ZBTB20: variants seen among roughly 807,000 people sequenced by gnomAD.
The protein encoded by ZBTB20 is zinc finger and BTB domain containing 20.
A neutral mutation model predicts 56.9 loss-of-function variants in ZBTB20; 9 were observed. The ratio of observed to expected loss-of-function variants is 0.16; its 90% CI spans 0.10 to 0.28. The LOEUF is 0.28. Ranked by LOEUF, ZBTB20 falls within the 10% of genes least tolerant of loss-of-function variation. The pLI, the probability that ZBTB20 is intolerant of heterozygous loss-of-function variation, is 1.00. For missense variants in ZBTB20, 655 were observed against 1,003.0 expected (o/e 0.65, Z 4.69); for synonymous variants, 417 against 420.7 (o/e 0.99, Z 0.11).
chr3:114,836,748 A>G (rs941197502), intron 4 of ZBTB20, among the ~76,000 whole-genome samples: 7 of 152,210 alleles, frequency 4.6e-5, no homozygotes, highest in Non-Finnish European at 7.3e-5. Context: ...AATCACAATT[A>G]TCTCTTATCT....
In ZBTB20 at chr3:114,590,949, AT is replaced by A. The variant is rs2055699802; in HGVS notation, c.-294-90559del. ...CTCACTATTAATAACCTATCTCATT[AT>A]CAAACCTTAAGATTTTCTGTTGCAG... On this transcript the variant is annotated intron_variant, in intron 6 of 11. Transcript: ENST00000675478. 1.3e-5 allele frequency among the ~76,000 whole-genome samples: 2 copies of A among 152,334 alleles called. 1 individual carries two copies. Among genetic ancestry groups the A allele is most frequent in the South Asian group, 4.1e-4 (2 of 4,830 alleles).
chr3:114,326,801 C>A lies in ZBTB20; in HGVS notation c.*12204G>T, dbSNP rs2079079267. ...TGTTTCACTTTCTTTGAAGGAATTGCATCTATGCACACTTATCCTGAAGTC... is the reference window on the plus strand; with the variant it reads ...TGTTTCACTTTCTTTGAAGGAATTGAATCTATGCACACTTATCCTGAAGTC... On this transcript the variant is annotated 3_prime_UTR_variant, in exon 12 of 12. Transcript: ENST00000675478. 6.6e-6 allele frequency: 1 copy of A among 152,164 alleles called. No individual in the cohort carries two copies. Among genetic ancestry groups the A allele is most frequent in the African/African-American group, 2.4e-5 (1 of 41,440 alleles). The allele number at this position is 152,164 out of a possible 1,614,324, so 9.4% of individuals were successfully genotyped here.
chr3:115,031,225 A>G (rs1217572761), intron 2 of ZBTB20, among the ~76,000 whole-genome samples: 1 of 151,202 alleles, frequency 6.6e-6, no homozygotes. Flanking sequence ...AGTTTTCATG[A>G]ATTAGTGGAG....
intron 6 of ZBTB20, among the ~76,000 whole-genome samples, chr3:114,587,652 C>A (rs569208007): frequency 1.6e-4 from 25 of 152,254 alleles, no homozygotes; most frequent in Admixed American, 3.3e-4. Context: ...TACTTCACAC[C>A]ATAAATATGT....
chr3:114,733,060 T>C (rs1005788588), intron 5 of ZBTB20, among the ~76,000 whole-genome samples: 16 of 152,176 alleles, frequency 1.1e-4, no homozygotes, highest in Admixed American at 2.6e-4. Flanking sequence ...GTAAATGGTC[T>C]ACCAGACATA....
chr3:114,850,590 T>C (rs1458744721), intron 4 of ZBTB20, among the ~76,000 whole-genome samples: 2 of 152,204 alleles, frequency 1.3e-5, no homozygotes, highest in Non-Finnish European at 2.9e-5. Context: ...CACAGAGTGG[T>C]TAAGTAACTT....
Position 114,920,726 on chromosome 3 carries a change from G to A in ZBTB20, c.-455-20384C>T. 1.3e-5 allele frequency among the ~76,000 whole-genome samples: 2 copies of A among 151,878 alleles called. 1 individual carries two copies. The highest frequency in any genetic ancestry group is 3.9e-4 in the East Asian group (2 of 5,190). On this transcript the variant is annotated intron_variant, in intron 3 of 11. Coordinates refer to ENST00000675478, the MANE Select transcript of ZBTB20 (RefSeq NM_001348800.3). Reference sequence around the variant, plus strand: ...AAGAACAAAGTGCACAAAGTCAGCAGTAATAAGGATATATTAAAAATTAGA... The same window carrying A: ...AAGAACAAAGTGCACAAAGTCAGCAATAATAAGGATATATTAAAAATTAGA...
intron 7 of ZBTB20, among the ~76,000 whole-genome samples, chr3:114,448,235 G>T (rs1300048913): frequency 6.6e-6 from 1 of 151,894 alleles, no homozygotes; most frequent in African/African-American, 2.4e-5. Context: ...AGATTATGGG[G>T]ATGTGCTTCA....
chr3:114,781,097 AT>A lies in ZBTB20; in HGVS notation c.-343+20003del, dbSNP rs1280606679. Among the ~76,000 whole-genome samples, 4 of 152,322 alleles carry A rather than the reference AT, an allele frequency of 2.6e-5. No homozygotes were observed. The Middle Eastern group carries it at 0.01, about 389-fold the overall frequency. On this transcript the variant is annotated intron_variant, in intron 5 of 11. Transcript: ENST00000675478. ...TTGAAGACTTGATACTAAGGAATAA[AT>A]ATATATACCTAATATGTATTCACAA...
At position 114,322,174 on chromosome 3, in the gene ZBTB20, T is replaced by G. The variant is rs2108002646; in HGVS notation, c.*16831A>C. 1 of 152,408 alleles carries G rather than the reference T, an allele frequency of 6.6e-6. No individual in the cohort carries two copies. The highest frequency in any genetic ancestry group is 1.9e-4 in the East Asian group (1 of 5,190). The allele number at this position is 152,408 out of a possible 1,614,324, so 9.4% of individuals were successfully genotyped here. A position where few individuals can be genotyped will look rare whatever the true frequency, so the allele number is the denominator to read the frequency against. ...CCCTATGTTTCACCAGTGACCTTTG[T>G]TTGGTTCTAAATGATTTAGCTCACT... On this transcript the variant is annotated 3_prime_UTR_variant, in exon 12 of 12. Transcript: ENST00000675478.
intron 7 of ZBTB20, among the ~76,000 whole-genome samples, chr3:114,405,586 A>T (rs2087242462): frequency 6.6e-6 from 1 of 152,178 alleles, no homozygotes; most frequent in African/African-American, 2.4e-5. Flanking sequence ...ATATTTATAT[A>T]TCAATATATA....
intron 10 of ZBTB20, among the ~76,000 whole-genome samples, chr3:114,379,411 C>CT (rs1658460089): frequency 6.6e-6 from 1 of 152,106 alleles, no homozygotes; most frequent in Non-Finnish European, 1.5e-5. Context: ...ACACATGTTT[C>CT]TTTTTCTCTG....
At chr3:114,890,002 G>T (rs897381394) in intron 4 of ZBTB20, among the ~76,000 whole-genome samples, 7 of 152,106 alleles carry the variant, frequency 4.6e-5, no homozygotes, top group African/African-American at 1.7e-4. Flanking sequence ...TACAGATGAG[G>T]AAACTGAGCG....
At chr3:114,490,749 C>G (rs2042656341) in intron 7 of ZBTB20, among the ~76,000 whole-genome samples, 1 of 152,148 alleles carries the variant, frequency 6.6e-6, no homozygotes, top group Non-Finnish European at 1.5e-5. Flanking sequence ...TGGGAGAAAT[C>G]AAAGTTGTCT....
Position 114,351,730 on chromosome 3 carries a change from G to A in ZBTB20, c.348C>T (p.Arg116=), listed in dbSNP as rs760894541. 11 of 1,614,078 alleles carry A rather than the reference G, an allele frequency of 6.8e-6. No individual in the cohort carries two copies. The Admixed American group carries it at 1.5e-4, about 22-fold the overall frequency. The change falls in exon 11 of 12, where the codon CGC becomes CGT. Residue 116 remains arginine, a synonymous_variant. Transcript: ENST00000675478. ...CGGCTGCCAGCACGCAGCGGTGTGC[G>A]CGCAGCATGCTCCCGTGGATGCGCA... ...VTVRIHGSML[R]AHRCVLAAGS... is the part of the protein sequence containing the mutation.
At chr3:114,450,709 C>A (rs1406404630) in intron 7 of ZBTB20, among the ~76,000 whole-genome samples, 3 of 151,964 alleles carry the variant, frequency 2.0e-5, no homozygotes, top group Non-Finnish European at 4.4e-5. Context: ...TGTATACAAC[C>A]ATATGCATAC....
intron 2 of ZBTB20, among the ~76,000 whole-genome samples, chr3:115,069,228 T>C (rs1480564904): frequency 6.6e-6 from 1 of 152,182 alleles, no homozygotes; most frequent in Non-Finnish European, 1.5e-5. Flanking sequence ...TGCCAACTAT[T>C]AGAATCAGTG....
intron 10 of ZBTB20, among the ~76,000 whole-genome samples, chr3:114,353,874 T>C (rs1311453819): frequency 1.3e-5 from 2 of 152,202 alleles, no homozygotes; most frequent in East Asian, 3.8e-4. Context: ...CTAAGAAACT[T>C]GCTCAAGTAC....
At chr3:114,890,804 T>C (rs1010179588) in intron 4 of ZBTB20, among the ~76,000 whole-genome samples, 1 of 152,204 alleles carries the variant, frequency 6.6e-6, no homozygotes, top group Non-Finnish European at 1.5e-5. Context: ...GTTTACAGTC[T>C]GGCGGAGGAG....
Sources: allele counts gnomAD v4.1 joint callset (sites outside exome capture counted in the v4.1 genomes callset), GRCh38; gene constraint gnomAD v4.1.1; transcripts MANE v1.5; gene names NCBI Gene and HGNC (gene_info 2026-07-23, HGNC 2026-07-21).